TOGARAM2: variants seen among roughly 807,000 people sequenced by gnomAD.
TOGARAM2 encodes TOG array regulator of axonemal microtubules protein 2.
In TOGARAM2, 85 loss-of-function variants were observed where a neutral mutation model predicts 93.3. The ratio of observed to expected loss-of-function variants is 0.91; its 90% confidence interval spans 0.76 to 1.09. TOGARAM2 has a LOEUF of 1.09. TOGARAM2 is among the 50% of genes least tolerant of loss of function. The pLI, the probability that TOGARAM2 is intolerant of heterozygous loss-of-function variation, is 0.00. For synonymous variants in TOGARAM2, 593 were observed against 552.8 expected (o/e 1.07, Z -1.02); for missense variants, 1,277 against 1,334.5 (o/e 0.96, Z 0.67).
intron 8 of TOGARAM2, among the ~76,000 whole-genome samples, chr2:29,016,329 C>T (rs1664568933): frequency 6.6e-6 from 1 of 152,148 alleles, no homozygotes; most frequent in Non-Finnish European, 1.5e-5. Flanking sequence ...TCAGCTGCCT[C>T]CTAAACACTC....
intron 1 of TOGARAM2, among the ~76,000 whole-genome samples, chr2:28,993,536 G>C (rs1672842155): frequency 6.6e-6 from 1 of 152,184 alleles, no homozygotes; most frequent in African/African-American, 2.4e-5. Context: ...AGGGGTTCAG[G>C]ACTGCTTTTC....
intron 6 of TOGARAM2, among the ~76,000 whole-genome samples, chr2:29,010,121 ATTGGGGTTT>A (rs1025629524): frequency 5.9e-5 from 9 of 152,106 alleles, no homozygotes; most frequent in Admixed American, 5.9e-4. Context: ...AGGCATAAGC[ATTGGGGTTT>A]TTGGCATCCT....
At chr2:29,008,829 C>A (rs767958524) in intron 6 of TOGARAM2, among the ~76,000 whole-genome samples, 1 of 152,354 alleles carries the variant, frequency 6.6e-6, no homozygotes. Flanking sequence ...ATGTCAAAAA[C>A]CTCTGTGGCT....
chr2:28,957,595 G>A (rs1299385297), intron 1 of TOGARAM2, among the ~76,000 whole-genome samples: 1 of 152,230 alleles, frequency 6.6e-6, no homozygotes, highest in East Asian at 1.9e-4. Flanking sequence ...TCTCCCTCTG[G>A]CTGGAGTCAT....
At chr2:28,965,909 G>T (rs1164064908) in intron 1 of TOGARAM2, among the ~76,000 whole-genome samples, 3 of 152,160 alleles carry the variant, frequency 2.0e-5, no homozygotes, top group African/African-American at 7.2e-5. Flanking sequence ...GCTGCCTGTA[G>T]TCCAGTGTCT....
intron 1 of TOGARAM2, among the ~76,000 whole-genome samples, chr2:28,992,094 G>A (rs1672761221): frequency 6.6e-6 from 1 of 152,164 alleles, no homozygotes; most frequent in Non-Finnish European, 1.5e-5. Flanking sequence ...GTGTGATGGG[G>A]CCTCGGTGAA....
intron 1 of TOGARAM2, among the ~76,000 whole-genome samples, chr2:28,973,480 TCCC>T (rs1671983134): frequency 8.9e-6 from 1 of 112,764 alleles, no homozygotes; most frequent in African/African-American, 3.3e-5. Context: ...CCTCCCTCCC[TCCC>T]TCCTTCGTTC....
At chr2:29,024,044 G>A (rs765757440) in intron 12 of TOGARAM2, 95 bp from the exon 13 acceptor site, 3 of 1,054,316 alleles carry the variant, frequency 2.8e-6, no homozygotes, top group Non-Finnish European at 4.2e-6. Flanking sequence ...AAGGGTGGGG[G>A]TGGAGGAAGA....
intron 9 of TOGARAM2, 103 bp from the exon 10 acceptor site, chr2:29,017,689 G>T: frequency 8.4e-7 from 1 of 1,185,700 alleles, no homozygotes; most frequent in Non-Finnish European, 1.2e-6. Context: ...GGGGGTACTG[G>T]CATGAGCTAC....
At chr2:29,026,742 C>T in intron 13 of TOGARAM2, 111 bp from the exon 14 acceptor site, 1 of 1,212,042 alleles carries the variant, frequency 8.3e-7, no homozygotes, top group Non-Finnish European at 1.1e-6. Context: ...ATTTTTGGAG[C>T]CCCTGGCTGG....
intron 14 of TOGARAM2, among the ~76,000 whole-genome samples, chr2:29,027,928 G>A (rs929982364): frequency 6.6e-6 from 1 of 152,174 alleles, no homozygotes; most frequent in Non-Finnish European, 1.5e-5. Context: ...AGGGTGGGCA[G>A]CAGGCCCAGG....
At chr2:28,978,187 G>A (rs1035264767), upstream of TOGARAM2, among the ~76,000 whole-genome samples, 8 of 152,170 alleles carry the variant, frequency 5.3e-5, no homozygotes, top group African/African-American at 1.9e-4. Flanking sequence ...GATGACAGGC[G>A]TGAGCCACCG....
At position 29,032,924 on chromosome 2, in the gene TOGARAM2, C is replaced by T; in HGVS notation, c.2013-10C>T. On this transcript the variant is annotated splice_polypyrimidine_tract_variant and intron_variant, in intron 14 of 19. Coordinates refer to ENST00000379558, the MANE Select transcript of TOGARAM2 (RefSeq NM_199280.4). Reference sequence around the variant, plus strand: ...GCTGTTTCTTTATCTTGCTCTCTCTCCTGTGGCAGATTTTATGGCCGGAAG... The same window carrying T: ...GCTGTTTCTTTATCTTGCTCTCTCTTCTGTGGCAGATTTTATGGCCGGAAG... 3 of 1,611,088 alleles carry T rather than the reference C, an allele frequency of 1.9e-6. No individual in the cohort carries two copies. Among genetic ancestry groups the T allele is most frequent in the Non-Finnish European group, 2.5e-6 (3 of 1,178,052 alleles).
chr2:29,025,046 C>T (rs1240784540), intron 13 of TOGARAM2, among the ~76,000 whole-genome samples: 1 of 152,186 alleles, frequency 6.6e-6, no homozygotes, highest in Non-Finnish European at 1.5e-5. Flanking sequence ...AAAGGCCTCT[C>T]CACCCCATAA....
intron 1 of TOGARAM2, among the ~76,000 whole-genome samples, chr2:28,987,598 T>C (rs1040290683): frequency 7.2e-5 from 11 of 152,178 alleles, no homozygotes; most frequent in African/African-American, 2.7e-4. Flanking sequence ...CAATGTGCTT[T>C]AGTTTTGAAT....
chr2:28,969,702 G>C (rs572965420), intron 1 of TOGARAM2, among the ~76,000 whole-genome samples: 9 of 152,210 alleles, frequency 5.9e-5, no homozygotes, highest in African/African-American at 2.2e-4. Flanking sequence ...CTTGGAATGA[G>C]AGATAACTCT....
chr2:29,039,619 C>A (rs1252377978), intron 18 of TOGARAM2, among the ~76,000 whole-genome samples: 2 of 152,150 alleles, frequency 1.3e-5, no homozygotes, highest in African/African-American at 4.8e-5. Context: ...GGGATTTCTG[C>A]CCATGTCCTT....
intron 1 of TOGARAM2, among the ~76,000 whole-genome samples, chr2:28,963,008 T>G (rs949384944): frequency 7.7e-4 from 116 of 151,464 alleles, no homozygotes; most frequent in South Asian, 2.1e-4. Context: ...TTTTGTTTTT[T>G]GTAGAGTTGG....
At chr2:29,039,152 G>T (rs1389915295) in intron 18 of TOGARAM2, among the ~76,000 whole-genome samples, 4 of 152,190 alleles carry the variant, frequency 2.6e-5, no homozygotes, top group African/African-American at 9.7e-5. Context: ...GAGCCTGGTG[G>T]TTCTAGTGGT....
Sources: allele counts gnomAD v4.1 joint callset (sites outside exome capture counted in the v4.1 genomes callset), GRCh38; gene constraint gnomAD v4.1.1; transcripts MANE v1.5; gene names NCBI Gene and HGNC (gene_info 2026-07-23, HGNC 2026-07-21).